The following GRIK1 variants were observed in gnomAD, a reference collection of about 807,000 sequenced individuals.
GRIK1 encodes the protein glutamate receptor ionotropic, kainate 1.
GRIK1 carries 69 observed loss-of-function variants against 105.7 expected under a neutral mutation model. The observed-to-expected ratio is 0.65, with a 90% CI of 0.54 to 0.80. The LOEUF is 0.80. Among genes scored for constraint, GRIK1 ranks in the 30% least tolerant of loss-of-function variants. GRIK1 has a pLI of 0.00. For missense variants in GRIK1, 1,109 were observed against 1,167.3 expected, an observed-to-expected ratio of 0.95 and a Z score of 0.73; for synonymous variants, 438 against 431.3, an observed-to-expected ratio of 1.02 and a Z score of -0.19.
At chr21:29,685,170 T>G (rs576113513) in intron 3 of GRIK1, among the ~76,000 whole-genome samples, 1 of 152,360 alleles carries the variant, frequency 6.6e-6, no homozygotes, top group Non-Finnish European at 1.5e-5. Context: ...AAGCAATCTT[T>G]TTTAAAAAAC....
intron 1 of GRIK1, among the ~76,000 whole-genome samples, chr21:29,916,510 A>C (rs1259217295): frequency 6.6e-6 from 1 of 151,982 alleles, no homozygotes; most frequent in Non-Finnish European, 1.5e-5. Context: ...ATAGAGGATA[A>C]CACCTTCTAA....
At chr21:29,579,974 T>C (rs2146251453) in intron 13 of GRIK1, among the ~76,000 whole-genome samples, 1 of 146,914 alleles carries the variant, frequency 6.8e-6, no homozygotes, top group African/African-American at 2.5e-5. Flanking sequence ...TGTATATATA[T>C]ATATATATGT....
At chr21:29,576,702 AGATATT>A (rs1407281441) in intron 14 of GRIK1, among the ~76,000 whole-genome samples, 3 of 152,070 alleles carry the variant, frequency 2.0e-5, no homozygotes, top group Non-Finnish European at 4.4e-5. Flanking sequence ...AGGATATTGA[AGATATT>A]GATCTATGGA....
intron 7 of GRIK1, among the ~76,000 whole-genome samples, chr21:29,603,401 A>C (rs1379425429): frequency 6.6e-6 from 1 of 151,912 alleles, no homozygotes; most frequent in Admixed American, 6.6e-5. Context: ...GCCAAGGGAG[A>C]CCATAATACC....
intron 7 of GRIK1, among the ~76,000 whole-genome samples, chr21:29,625,466 G>A (rs367653027): frequency 4.3e-4 from 66 of 152,004 alleles, no homozygotes; most frequent in Admixed American, 1.1e-3. Context: ...TCATTCAGCC[G>A]CCAACCAGTT....
At chr21:29,851,417 G>A (rs546990303) in intron 1 of GRIK1, among the ~76,000 whole-genome samples, 16 of 152,240 alleles carry the variant, frequency 1.1e-4, no homozygotes, top group Middle Eastern at 3.4e-3. Flanking sequence ...TGTTTACAAA[G>A]GCAATAATAG....
At chr21:29,858,789 T>C (rs2068543975) in intron 1 of GRIK1, among the ~76,000 whole-genome samples, 1 of 151,658 alleles carries the variant, frequency 6.6e-6, no homozygotes, top group African/African-American at 2.4e-5. Context: ...ATTTACTTCA[T>C]AGAAAAGCCC....
chr21:29,553,544 T>G, intron 16 of GRIK1: 1 of 1,543,984 alleles, frequency 6.5e-7, no homozygotes, highest in South Asian at 1.2e-5. Context: ...TTTTTTTTTT[T>G]TTTAAACTGA....
At chr21:29,935,925 T>C (rs1569231892) in intron 1 of GRIK1, among the ~76,000 whole-genome samples, 1 of 152,014 alleles carries the variant, frequency 6.6e-6, no homozygotes, top group Non-Finnish European at 1.5e-5. Context: ...ATGTAAATAA[T>C]AAAAAAAGTA....
In GRIK1 at chr21:29,900,459, C is replaced by CAAAAAAAAAAAAAAAAAAAAAAAA. The variant is rs746842761; in HGVS notation, c.118+38923_118+38924insTTTTTTTTTTTTTTTTTTTTTTTT. ...GAAGATCTACCAAACAAATGGAAAG[C>CAAAAAAAAAAAAAAAAAAAAAAAA]AAGAAAAAAAAAAAAAAAAAGCAAG... is the stretch of plus-strand genomic sequence containing the variant. On this transcript the variant is annotated intron_variant, in intron 1 of 17. Coordinates refer to ENST00000327783, the MANE Select transcript of GRIK1 (RefSeq NM_001330994.2). Among the ~76,000 whole-genome samples the CAAAAAAAAAAAAAAAAAAAAAAAA allele has an allele frequency of 1.4e-3, 112 of 78,216 alleles. 6 individuals carry two copies. The highest frequency in any genetic ancestry group is 2.5e-3 in the African/African-American group (50 of 19,624). The allele number at this position is 78,216 out of a possible 152,430, so 51.3% of individuals were successfully genotyped here.
chr21:29,803,254 C>A (rs1158425845), intron 1 of GRIK1, among the ~76,000 whole-genome samples: 1 of 151,892 alleles, frequency 6.6e-6, no homozygotes, highest in Non-Finnish European at 1.5e-5. Context: ...TTGTAAAATG[C>A]AAAAAAAGCA....
intron 6 of GRIK1, among the ~76,000 whole-genome samples, chr21:29,647,782 C>T (rs1332176240): frequency 1.3e-5 from 2 of 152,210 alleles, no homozygotes; most frequent in Non-Finnish European, 2.9e-5. Context: ...ATAAAAATCA[C>T]TCCAAACTTC....
chr21:29,537,144 A>G lies in GRIK1; in HGVS notation c.*86T>C. On this transcript the variant is annotated 3_prime_UTR_variant, in exon 18 of 18. Coordinates refer to ENST00000327783, the MANE Select transcript of GRIK1 (RefSeq NM_001330994.2). The stretch of plus-strand genomic sequence containing the variant: ...CAGAGTTATGGATATAGATATATGG[A>G]AACACATCACACACTCCTCAGAAAT... 1 of 868,720 alleles carries G rather than the reference A, an allele frequency of 1.2e-6. No individual in the cohort carries two copies. The highest frequency in any genetic ancestry group is 2.7e-5 in the East Asian group (1 of 37,526). 53.8% of individuals were successfully genotyped at this position (868,720 alleles called of 1,614,324 possible).
intron 1 of GRIK1, among the ~76,000 whole-genome samples, chr21:29,819,838 G>A (rs754766205): frequency 1.3e-5 from 2 of 151,990 alleles, no homozygotes; most frequent in Non-Finnish European, 2.9e-5. Context: ...CCAGATGACA[G>A]GGACCGCCTG....
At chr21:29,596,931 A>C (rs1464698232) in intron 8 of GRIK1, among the ~76,000 whole-genome samples, 1 of 152,090 alleles carries the variant, frequency 6.6e-6, no homozygotes, top group Non-Finnish European at 1.5e-5. Flanking sequence ...TCAATTAACC[A>C]ACCAACCAGC....
At chr21:29,684,576 T>G (rs576870291) in intron 3 of GRIK1, among the ~76,000 whole-genome samples, 1 of 152,168 alleles carries the variant, frequency 6.6e-6, no homozygotes, top group African/African-American at 2.4e-5. Flanking sequence ...GGTGCGATCT[T>G]GGCGCACTGC....
intron 8 of GRIK1, among the ~76,000 whole-genome samples, chr21:29,598,324 A>G (rs895118962): frequency 2.0e-5 from 3 of 152,190 alleles, no homozygotes; most frequent in African/African-American, 7.2e-5. Context: ...GTTTTTTGGC[A>G]TTTGTCCTAA....
At chr21:29,926,039 A>G (rs903066094) in intron 1 of GRIK1, among the ~76,000 whole-genome samples, 4 of 152,110 alleles carry the variant, frequency 2.6e-5, no homozygotes, top group African/African-American at 9.7e-5. Flanking sequence ...TTAGAGATGA[A>G]GACATTCCTG....
chr21:29,784,693 G>A (rs1260563454), intron 1 of GRIK1, among the ~76,000 whole-genome samples: 2 of 152,082 alleles, frequency 1.3e-5, no homozygotes, highest in African/African-American at 4.8e-5. Flanking sequence ...ACTTACCATT[G>A]TTTAATTAAT....
Sources: gnomAD v4.1 joint callset for allele counts (sites outside exome capture counted in the v4.1 genomes callset) on GRCh38, gnomAD v4.1.1 for gene constraint, MANE v1.5 for transcripts, NCBI Gene and HGNC (gene_info 2026-07-23, HGNC 2026-07-21) for gene names.